Variants in EBF2 observed in about 807,000 individuals in gnomAD.
The protein encoded by EBF2 is transcription factor COE2.
EBF2 carries 21 observed loss-of-function variants against 72.8 expected under a neutral mutation model. The ratio of observed to expected loss-of-function variants is 0.29; its 90% CI spans 0.20 to 0.42. The LOEUF (loss-of-function observed/expected upper bound fraction) is 0.42, where lower values mean the gene tolerates loss of function less well. Ranked by LOEUF, EBF2 falls within the 10% of genes least tolerant of loss-of-function variation. EBF2 has a pLI of 1.00. For missense variants in EBF2, 637 were observed against 731.2 expected, an observed-to-expected ratio of 0.87 and a Z score of 1.49; for synonymous variants, 299 against 274.2, an observed-to-expected ratio of 1.09 and a Z score of -0.89.
At position 26,040,487 on chromosome 8, in the gene EBF2, G is replaced by GGGACGT. The variant is rs1805579955; in HGVS notation, c.408+123_408+128dup. The GGGACGT allele has an allele frequency of 4.3e-5, 35 of 807,532 alleles. 1 individual carries two copies. In the South Asian group the frequency reaches 6.4e-4, roughly 15 times the overall value. 50.0% of individuals were successfully genotyped at this position (807,532 alleles called of 1,614,324 possible). ...CCCTAGCAGACAAGGTGCTGGGAGG[G>GGGACGT]GGACGTGGAGGGGGCTGTGGAGTCT... On this transcript the variant is annotated intron_variant, in intron 4 of 15. Transcript: ENST00000520164.
intron 6 of EBF2, among the ~76,000 whole-genome samples, chr8:26,002,832 A>G (rs1208406302): frequency 1.2e-5 from 1 of 83,742 alleles, no homozygotes; most frequent in Non-Finnish European, 2.9e-5. Context: ...CGGGACAGGC[A>G]GGCAGGCAGG....
At chr8:25,998,343 G>C (rs10106685) in intron 6 of EBF2, among the ~76,000 whole-genome samples, 33,004 of 152,122 alleles carry the variant, frequency 0.22, 6,421 homozygotes, top group African/African-American at 0.5. Context: ...TCAGTGTCAG[G>C]AGAAGAGAGA....
chr8:25,896,708 C>T (rs1215707918), intron 7 of EBF2, among the ~76,000 whole-genome samples: 4 of 152,156 alleles, frequency 2.6e-5, no homozygotes, highest in Non-Finnish European at 5.9e-5. Flanking sequence ...CTATGGCGAG[C>T]GACCAAGCTG....
chr8:25,934,964 C>A (rs914274146), intron 6 of EBF2, among the ~76,000 whole-genome samples: 1 of 152,204 alleles, frequency 6.6e-6, no homozygotes, highest in Admixed American at 6.5e-5. Context: ...CAAGGAGCAC[C>A]AAGCCCACCC....
chr8:25,881,816 T>C (rs1223080763), intron 10 of EBF2, among the ~76,000 whole-genome samples: 1 of 151,710 alleles, frequency 6.6e-6, no homozygotes, highest in Non-Finnish European at 1.5e-5. Context: ...TGGCTGGACA[T>C]CCAGAGGAAC....
At chr8:26,037,383 C>T (rs929569955) in intron 5 of EBF2, among the ~76,000 whole-genome samples, 1 of 152,204 alleles carries the variant, frequency 6.6e-6, no homozygotes, top group Non-Finnish European at 1.5e-5. Context: ...AAAATTCAAC[C>T]TTCAACTTTC....
At chr8:25,914,483 GC>G (rs772728264) in intron 6 of EBF2, among the ~76,000 whole-genome samples, 2 of 152,166 alleles carry the variant, frequency 1.3e-5, no homozygotes, top group Admixed American at 6.5e-5. Flanking sequence ...GGGCCCTGAA[GC>G]TTTTAAGATC....
chr8:26,008,179 T>C (rs992053167), intron 6 of EBF2, among the ~76,000 whole-genome samples: 17 of 152,054 alleles, frequency 1.1e-4, no homozygotes, highest in Non-Finnish European at 7.4e-5. Flanking sequence ...TCCCAAGCAG[T>C]ATTTACAGCA....
chr8:25,945,181 C>T (rs1043892418), intron 6 of EBF2, among the ~76,000 whole-genome samples: 1 of 146,060 alleles, frequency 6.8e-6, no homozygotes, highest in Non-Finnish European at 1.5e-5. Context: ...TCATAGCCTG[C>T]ATGATTCCAA....
intron 6 of EBF2, among the ~76,000 whole-genome samples, chr8:25,993,317 T>C (rs899709187): frequency 1.3e-5 from 2 of 152,212 alleles, no homozygotes; most frequent in Non-Finnish European, 2.9e-5. Context: ...TCCCTATAAA[T>C]TGGCCACATC....
At chr8:26,038,861 T>C (rs566911102) in intron 5 of EBF2, among the ~76,000 whole-genome samples, 1 of 152,094 alleles carries the variant, frequency 6.6e-6, no homozygotes, top group South Asian at 2.1e-4. Context: ...CCTGACTGGG[T>C]TGGGGAGGGA....
chr8:25,911,403 A>C (rs1020938697), intron 6 of EBF2, among the ~76,000 whole-genome samples: 4 of 152,288 alleles, frequency 2.6e-5, no homozygotes, highest in African/African-American at 9.6e-5. Context: ...GTTTATCCTC[A>C]TGTTACAGGA....
chr8:26,017,488 T>C (rs1805129830), intron 6 of EBF2, among the ~76,000 whole-genome samples: 1 of 152,142 alleles, frequency 6.6e-6, no homozygotes, highest in African/African-American at 2.4e-5. Flanking sequence ...AGGAGGTCTC[T>C]GGGGTCCCAA....
intron 6 of EBF2, among the ~76,000 whole-genome samples, chr8:25,987,994 T>A (rs1206288338): frequency 6.6e-6 from 1 of 152,180 alleles, no homozygotes; most frequent in African/African-American, 2.4e-5. Flanking sequence ...TTTCATAACA[T>A]AGGTGCATTC....
At chr8:25,899,241 T>A (rs904127690) in intron 7 of EBF2, among the ~76,000 whole-genome samples, 1 of 151,818 alleles carries the variant, frequency 6.6e-6, no homozygotes, top group Non-Finnish European at 1.5e-5. Context: ...CTCCACAGTT[T>A]TTTTTTTTTT....
intron 6 of EBF2, among the ~76,000 whole-genome samples, chr8:25,985,758 G>A (rs999518542): frequency 3.3e-5 from 5 of 151,978 alleles, no homozygotes; most frequent in African/African-American, 1.2e-4. Flanking sequence ...CCAACACTTT[G>A]GGAGGCTGAG....
At chr8:25,849,480 C>G (rs1182604129) in intron 15 of EBF2, among the ~76,000 whole-genome samples, 1 of 152,222 alleles carries the variant, frequency 6.6e-6, no homozygotes, top group Admixed American at 6.5e-5. Context: ...GCACTGCTGA[C>G]CTTACAGCCT....
chr8:26,040,457 AT>A (rs1805579509), intron 4 of EBF2, among the ~76,000 whole-genome samples, 158 bp downstream of exon 4: 1 of 150,334 alleles, frequency 6.7e-6, no homozygotes, highest in African/African-American at 2.5e-5. Flanking sequence ...AAAAAAAAAA[AT>A]CTTCCCTAGC....
intron 1 of EBF2, among the ~76,000 whole-genome samples, chr8:26,043,622 C>A (rs957031668): frequency 1.3e-5 from 2 of 152,176 alleles, no homozygotes; most frequent in Admixed American, 6.5e-5. Flanking sequence ...AGTCCCGGAG[C>A]GATAAAACTT....
Sources: allele counts gnomAD v4.1 joint callset (sites outside exome capture counted in the v4.1 genomes callset), GRCh38; gene constraint gnomAD v4.1.1; transcripts MANE v1.5; gene names NCBI Gene and HGNC (gene_info 2026-07-23, HGNC 2026-07-21).